DCLK1: variants seen among roughly 807,000 people sequenced by gnomAD.
The protein encoded by DCLK1 is serine/threonine-protein kinase DCLK1.
A neutral mutation model predicts 86.2 loss-of-function variants in DCLK1; 16 were observed. That is an observed-to-expected ratio of 0.19 (90% CI 0.13 to 0.28). The LOEUF (loss-of-function observed/expected upper bound fraction) is 0.28, where lower values mean the gene tolerates loss of function less well. Ranked by LOEUF, DCLK1 falls within the 10% of genes least tolerant of loss-of-function variation. The pLI, the probability that DCLK1 is intolerant of heterozygous loss-of-function variation, is 1.00. For synonymous variants in DCLK1, 369 were observed against 370.5 expected (o/e 1.00, Z 0.05); for missense variants, 590 against 940.2 (o/e 0.63, Z 4.87).
At chr13:35,880,691 A>G (rs1872835598) in intron 4 of DCLK1, among the ~76,000 whole-genome samples, 1 of 152,170 alleles carries the variant, frequency 6.6e-6, no homozygotes, top group African/African-American at 2.4e-5. Context: ...ACCCAACCTC[A>G]TTGGCATTAA....
intron 3 of DCLK1, among the ~76,000 whole-genome samples, chr13:35,972,942 A>G (rs1332827094): frequency 1.3e-5 from 2 of 152,064 alleles, no homozygotes; most frequent in Non-Finnish European, 2.9e-5. Flanking sequence ...ATGCATTATT[A>G]TTATTCCCAC....
intron 4 of DCLK1, among the ~76,000 whole-genome samples, chr13:35,885,928 G>C (rs1204651864): frequency 6.6e-6 from 1 of 151,872 alleles, no homozygotes; most frequent in Non-Finnish European, 1.5e-5. Flanking sequence ...GTACTGCCTA[G>C]AGGAGAGATG....
At chr13:35,959,518 G>C (rs546689251) in intron 3 of DCLK1, among the ~76,000 whole-genome samples, 23 of 152,284 alleles carry the variant, frequency 1.5e-4, no homozygotes, top group Non-Finnish European at 2.6e-4. Context: ...AATTTTCTGT[G>C]AGAGAGTGAA....
chr13:36,061,644 CA>C (rs1177368378), intron 3 of DCLK1, among the ~76,000 whole-genome samples: 2 of 152,022 alleles, frequency 1.3e-5, no homozygotes, highest in South Asian at 2.1e-4. Context: ...GGAAAAATGG[CA>C]AAAATAGTTT....
chr13:36,051,582 C>T (rs1883125083), intron 3 of DCLK1, among the ~76,000 whole-genome samples: 1 of 151,810 alleles, frequency 6.6e-6, no homozygotes, highest in East Asian at 1.9e-4. Context: ...TTGTTAATAA[C>T]CATGACAATT....
At chr13:36,015,008 C>T (rs111315657) in intron 3 of DCLK1, among the ~76,000 whole-genome samples, 33 of 1,810 alleles carry the variant, frequency 0.018, no homozygotes, top group East Asian at 0.091. Flanking sequence ...CTCTCTTTCT[C>T]TCTCTCTCTC....
intron 4 of DCLK1, among the ~76,000 whole-genome samples, chr13:35,941,631 C>T (rs1313343674): frequency 4.6e-5 from 7 of 152,130 alleles, no homozygotes; most frequent in South Asian, 4.2e-4. Flanking sequence ...ACGCACGCTG[C>T]GTCTCAAAAG....
At chr13:35,800,055 A>G (rs570296544) in intron 15 of DCLK1, among the ~76,000 whole-genome samples, 1 of 152,360 alleles carries the variant, frequency 6.6e-6, no homozygotes, top group East Asian at 1.9e-4. Flanking sequence ...CATATTATCT[A>G]TCTGGATCTG....
At chr13:35,894,564 G>A (rs1332130094) in intron 4 of DCLK1, among the ~76,000 whole-genome samples, 2 of 152,004 alleles carry the variant, frequency 1.3e-5, no homozygotes, top group African/African-American at 4.8e-5. Context: ...GGGTGTAAGA[G>A]TGTCCTCAAG....
intron 4 of DCLK1, among the ~76,000 whole-genome samples, chr13:35,910,411 G>C (rs1053855645): frequency 6.6e-6 from 1 of 152,128 alleles, no homozygotes; most frequent in Non-Finnish European, 1.5e-5. Context: ...TCTTTTGTTG[G>C]GTCAATAACC....
At chr13:35,957,530 A>T (rs9574995) in intron 3 of DCLK1, among the ~76,000 whole-genome samples, 5,334 of 152,244 alleles carry the variant, frequency 0.035, 275 homozygotes, top group East Asian at 0.23. Flanking sequence ...AAATCAGATT[A>T]TTAAAAAGTT....
intron 3 of DCLK1, among the ~76,000 whole-genome samples, chr13:36,081,358 A>C (rs552937937): frequency 2.6e-5 from 4 of 152,248 alleles, no homozygotes; most frequent in African/African-American, 9.6e-5. Context: ...TGCATCACTA[A>C]GTAACTTTTT....
At chr13:36,007,279 G>A (rs1390068191) in intron 3 of DCLK1, among the ~76,000 whole-genome samples, 2 of 152,286 alleles carry the variant, frequency 1.3e-5, no homozygotes, top group East Asian at 3.9e-4. Flanking sequence ...CCTTCTTACT[G>A]ATAAAGCTTA....
intron 6 of DCLK1, chr13:35,847,633 A>T (rs1566564913): frequency 1.2e-6 from 1 of 849,072 alleles, no homozygotes; most frequent in Non-Finnish European, 1.4e-6. Flanking sequence ...AAAAGAAAGA[A>T]AGAAAGAAAG....
intron 3 of DCLK1, among the ~76,000 whole-genome samples, chr13:36,068,398 T>C (rs1011583129): frequency 6.6e-6 from 1 of 152,240 alleles, no homozygotes; most frequent in South Asian, 2.1e-4. Flanking sequence ...AACTGCTTGG[T>C]ATTCAGTGAA....
At chr13:36,022,240 A>G (rs1028093391) in intron 3 of DCLK1, among the ~76,000 whole-genome samples, 4 of 152,176 alleles carry the variant, frequency 2.6e-5, no homozygotes, top group African/African-American at 9.6e-5. Flanking sequence ...AAATGAAAAC[A>G]CAACACAAGC....
chr13:35,838,808 T>A (rs1288902109), intron 7 of DCLK1, among the ~76,000 whole-genome samples: 1 of 152,144 alleles, frequency 6.6e-6, no homozygotes, highest in Non-Finnish European at 1.5e-5. Flanking sequence ...ATCCCAGCGA[T>A]CCCCTCTTAT....
In DCLK1 at chr13:36,117,105, G is replaced by A. The variant is rs75756189; in HGVS notation, c.377-4890C>T. ...ATAGAAAATGAACTTGAATGTGTAT[G>A]TCAGACCTGTGGACATGTCACCTTC... On this transcript the variant is annotated intron_variant, in intron 2 of 16. Coordinates refer to ENST00000360631, the MANE Select transcript of DCLK1 (RefSeq NM_001330071.2). 7.3e-3 allele frequency among the ~76,000 whole-genome samples: 1,107 copies of A among 152,118 alleles called. 20 individuals carry two copies. The highest frequency in any genetic ancestry group is 0.046 in the South Asian group (222 of 4,816).
At chr13:36,034,956 A>G (rs1882430019) in intron 3 of DCLK1, among the ~76,000 whole-genome samples, 2 of 152,176 alleles carry the variant, frequency 1.3e-5, no homozygotes, top group Non-Finnish European at 2.9e-5. Context: ...CGGAAAGGTC[A>G]CACGTGCAGC....
Sources: allele counts gnomAD v4.1 joint callset (sites outside exome capture counted in the v4.1 genomes callset), GRCh38; gene constraint gnomAD v4.1.1; transcripts MANE v1.5; gene names NCBI Gene and HGNC (gene_info 2026-07-23, HGNC 2026-07-21).